The following KCNJ4 variants were observed in gnomAD, a reference collection of about 807,000 sequenced individuals.
KCNJ4 encodes the protein inward rectifier potassium channel 4.
In KCNJ4, 3 loss-of-function variants were observed where a neutral mutation model predicts 25.6. The ratio of observed to expected loss-of-function variants is 0.12; its 90% CI spans 0.05 to 0.30. The LOEUF is 0.30. Among genes scored for constraint, KCNJ4 ranks in the 10% least tolerant of loss-of-function variants. The pLI is 1.00. For synonymous variants in KCNJ4, 257 were observed against 283.9 expected, an observed-to-expected ratio of 0.91 and a Z score of 0.95; for missense variants, 286 against 666.8, an observed-to-expected ratio of 0.43 and a Z score of 6.29.
At position 38,449,846 on chromosome 22, in the gene KCNJ4, CAG is replaced by C. The variant is rs1472402993; in HGVS notation, c.-40+5132_-40+5133del. Among the ~76,000 whole-genome samples the C allele has an allele frequency of 2.6e-5, 4 of 152,256 alleles. No individual in the cohort carries two copies. The highest frequency in any genetic ancestry group is 9.6e-5 in the African/African-American group (4 of 41,472). ...GGGACCCCGTGTTGGGCCACGGGGC[CAG>C]GATTGGTCAAGACCTTTGGGAGTGG... On this transcript the variant is annotated intron_variant, in intron 1 of 1. Coordinates refer to ENST00000303592, the MANE Select transcript of KCNJ4 (RefSeq NM_152868.3). The surrounding 1 kb of genome is among the most constrained non-coding windows in gnomAD (Gnocchi z 5.2).
chr22:38,429,235 G>A (rs1251446151), intron 1 of KCNJ4, among the ~76,000 whole-genome samples: 1 of 152,202 alleles, frequency 6.6e-6, no homozygotes, highest in East Asian at 1.9e-4. Flanking sequence ...CTTGTTAGGA[G>A]CAGTGGTGAG....
chr22:38,429,738 C>A (rs2093043943), intron 1 of KCNJ4, among the ~76,000 whole-genome samples: 2 of 152,212 alleles, frequency 1.3e-5, no homozygotes, highest in Admixed American at 1.3e-4. Flanking sequence ...GCCATTGCGT[C>A]CCCAGGGAAG....
At chr22:38,437,756 G>A (rs1277144051) in intron 1 of KCNJ4, among the ~76,000 whole-genome samples, 1 of 152,202 alleles carries the variant, frequency 6.6e-6, no homozygotes, top group Non-Finnish European at 1.5e-5. Context: ...GACTTGGGTA[G>A]TAAGTGGGAG....
chr22:38,452,793 G>A (rs1437630411), intron 1 of KCNJ4, among the ~76,000 whole-genome samples: 2 of 151,522 alleles, frequency 1.3e-5, no homozygotes, highest in Non-Finnish European at 2.9e-5. Flanking sequence ...AGCTAGCCTG[G>A]CCCTGGGGCC....
At chr22:38,439,526 C>T (rs1047987311) in intron 1 of KCNJ4, among the ~76,000 whole-genome samples, 20 of 152,172 alleles carry the variant, frequency 1.3e-4, no homozygotes, top group Admixed American at 7.9e-4. Flanking sequence ...CCTGTAATCC[C>T]GGCACTTTGG....
At chr22:38,436,511 C>T (rs369455465) in intron 1 of KCNJ4, among the ~76,000 whole-genome samples, 3 of 152,178 alleles carry the variant, frequency 2.0e-5, no homozygotes, top group South Asian at 2.1e-4. Flanking sequence ...AAAGGAGCAT[C>T]GCAGTGCCTA....
At chr22:38,433,711 G>A (rs1350683891) in intron 1 of KCNJ4, among the ~76,000 whole-genome samples, 1 of 152,080 alleles carries the variant, frequency 6.6e-6, no homozygotes, top group Non-Finnish European at 1.5e-5. Context: ...CCAAGAACAG[G>A]GCATGGCACC....
chr22:38,436,089 G>A (rs1045725987), intron 1 of KCNJ4, among the ~76,000 whole-genome samples: 1 of 152,164 alleles, frequency 6.6e-6, no homozygotes, highest in African/African-American at 2.4e-5. Context: ...ACAACTTTGT[G>A]CCCATGTGAC....
chr22:38,434,477 C>G (rs914278195), intron 1 of KCNJ4, among the ~76,000 whole-genome samples: 3 of 152,222 alleles, frequency 2.0e-5, no homozygotes, highest in African/African-American at 7.2e-5. Flanking sequence ...TTCTCCTCCC[C>G]AGCTGAAGAA....
In KCNJ4 at chr22:38,430,809, G is replaced by T. The variant is rs1270247866; in HGVS notation, c.-39-2638C>A. On this transcript the variant is annotated intron_variant, in intron 1 of 1. Transcript: ENST00000303592. ...AGGGGCACCGCGGACTGTCAGGACA[G>T]GAGGAGCATAGGGTCACCGAGTTCA... 2.6e-5 allele frequency among the ~76,000 whole-genome samples: 4 copies of T among 152,242 alleles called. No homozygotes were observed. The East Asian group carries it at 7.7e-4, about 29-fold the overall frequency.
Position 38,443,709 on chromosome 22 carries a change from C to T in KCNJ4, c.-40+11271G>A, listed in dbSNP as rs566126976. On this transcript the variant is annotated intron_variant, in intron 1 of 1. Transcript: ENST00000303592. This position sits in a 1 kb window ranked among gnomAD's most constrained non-coding sequence, Gnocchi z 4.1. ...CCCAAAGCGGGTGAACCTCGGGGCC[C>T]CGGACACGTCCCCTCACCTAGTCAT... 3.3e-5 allele frequency among the ~76,000 whole-genome samples: 5 copies of T among 152,286 alleles called. 1 individual carries two copies. The East Asian group carries it at 5.8e-4, about 18-fold the overall frequency.
chr22:38,449,393 A>C lies in KCNJ4; in HGVS notation c.-40+5587T>G, dbSNP rs1434213033. On this transcript the variant is annotated intron_variant, in intron 1 of 1. Coordinates refer to ENST00000303592, the MANE Select transcript of KCNJ4 (RefSeq NM_152868.3). The surrounding 1 kb of genome is among the most constrained non-coding windows in gnomAD (Gnocchi z 5.2). ...GTTCTCCCAGGGTGGTGGAGGATTA[A>C]GTGAAATCATGAATATGAAGCCCAG... 6.6e-6 allele frequency among the ~76,000 whole-genome samples: 1 copy of C among 152,154 alleles called. No homozygotes were observed. Among genetic ancestry groups the C allele is most frequent in the Admixed American group, 6.5e-5 (1 of 15,280 alleles).
chr22:38,428,240 AG>A, intron 1 of KCNJ4, 69 bp from the exon 2 acceptor site: 1 of 1,382,936 alleles, frequency 7.2e-7, no homozygotes, highest in East Asian at 2.3e-5. Context: ...ACTCAGACTC[AG>A]CCCCAAGACT....
intron 1 of KCNJ4, among the ~76,000 whole-genome samples, chr22:38,438,169 G>T (rs529698519): frequency 4.0e-5 from 6 of 150,594 alleles, no homozygotes; most frequent in Non-Finnish European, 7.4e-5. Flanking sequence ...AACCTGGGAG[G>T]GGGGAGGTTG....
chr22:38,428,556 G>T (rs183032572), intron 1 of KCNJ4, among the ~76,000 whole-genome samples: 25 of 151,968 alleles, frequency 1.6e-4, no homozygotes, highest in African/African-American at 6.0e-4. Flanking sequence ...CCACGGAGGC[G>T]CTAAGCCCGC....
At chr22:38,429,884 G>T (rs2145932257) in intron 1 of KCNJ4, among the ~76,000 whole-genome samples, 1 of 152,312 alleles carries the variant, frequency 6.6e-6, no homozygotes, top group Admixed American at 6.5e-5. Context: ...ATCTAATTGT[G>T]CATCTGTGGC....
Position 38,443,654 on chromosome 22 carries a change from T to C in KCNJ4, c.-40+11326A>G, listed in dbSNP as rs1169572588. On this transcript the variant is annotated intron_variant, in intron 1 of 1. Transcript: ENST00000303592. The surrounding 1 kb of genome is among the most constrained non-coding windows in gnomAD (Gnocchi z 4.1). ...CACACCTGCAAGGCAGGTGCTGTCATCATCATCCCACAGTGGGCTTGGGAG... is the reference window on the plus strand; with the variant it reads ...CACACCTGCAAGGCAGGTGCTGTCACCATCATCCCACAGTGGGCTTGGGAG... 6.6e-6 allele frequency among the ~76,000 whole-genome samples: 1 copy of C among 152,204 alleles called. No individual in the cohort carries two copies. Among genetic ancestry groups the C allele is most frequent in the Non-Finnish European group, 1.5e-5 (1 of 68,032 alleles).
chr22:38,435,251 C>A (rs1167541724), intron 1 of KCNJ4, among the ~76,000 whole-genome samples: 1 of 152,184 alleles, frequency 6.6e-6, no homozygotes, highest in Non-Finnish European at 1.5e-5. Context: ...CTGAGCCCTC[C>A]TGGGCCTAGA....
At chr22:38,433,695 C>T (rs182028565) in intron 1 of KCNJ4, among the ~76,000 whole-genome samples, 80 of 152,264 alleles carry the variant, frequency 5.3e-4, no homozygotes, top group Non-Finnish European at 9.8e-4. Context: ...GCTGGGGAAA[C>T]CGAGGCCAAG....
Sources: allele counts gnomAD v4.1 joint callset (sites outside exome capture counted in the v4.1 genomes callset), GRCh38; gene constraint gnomAD v4.1.1; non-coding constraint Gnocchi (gnomAD v3.1); transcripts MANE v1.5; gene names NCBI Gene and HGNC (gene_info 2026-07-23, HGNC 2026-07-21).